ADAM2: variants seen among roughly 807,000 people sequenced by gnomAD.
The protein encoded by ADAM2 is disintegrin and metalloproteinase domain-containing protein 2.
In ADAM2, 101 loss-of-function variants were observed where a neutral mutation model predicts 99.3. The ratio of observed to expected loss-of-function variants is 1.02; its 90% confidence interval spans 0.87 to 1.20. The LOEUF (loss-of-function observed/expected upper bound fraction) is 1.20. Among genes scored for constraint, ADAM2 ranks in the 50% most tolerant of loss-of-function variants. The pLI, the probability that ADAM2 is intolerant of heterozygous loss-of-function variation, is 0.00. For synonymous variants in ADAM2, 323 were observed against 287.6 expected (o/e 1.12, Z -1.25); for missense variants, 948 against 878.7 (o/e 1.08, Z -1.00).
intron 16 of ADAM2, among the ~76,000 whole-genome samples, chr8:39,752,216 A>T (rs1176787352): frequency 6.6e-6 from 1 of 152,180 alleles, no homozygotes; most frequent in Non-Finnish European, 1.5e-5. Flanking sequence ...TGCACCCCCT[A>T]CAACAGTGGC....
chr8:39,812,490 A>G (rs1804747122), intron 6 of ADAM2, among the ~76,000 whole-genome samples: 1 of 152,184 alleles, frequency 6.6e-6, no homozygotes, highest in Non-Finnish European at 1.5e-5. Flanking sequence ...CCAAAAGAAC[A>G]AAGCTGGAGG....
intron 11 of ADAM2, among the ~76,000 whole-genome samples, chr8:39,771,951 G>C (rs1802797642): frequency 1.3e-5 from 2 of 151,850 alleles, no homozygotes; most frequent in Admixed American, 6.6e-5. Flanking sequence ...ATACGGGAGG[G>C]ATAGCATTAG....
chr8:39,808,098 G>A (rs966268221), intron 7 of ADAM2, among the ~76,000 whole-genome samples: 1 of 150,678 alleles, frequency 6.6e-6, no homozygotes, highest in Non-Finnish European at 1.5e-5. Context: ...AATATTGCAA[G>A]AAAATAAATA....
intron 7 of ADAM2, among the ~76,000 whole-genome samples, chr8:39,799,926 C>T (rs367770197): frequency 2.6e-4 from 39 of 152,250 alleles, no homozygotes; most frequent in Non-Finnish European, 4.6e-4. Flanking sequence ...TGTCTTTGCA[C>T]GTAAGATGGG....
At chr8:39,835,886 T>G (rs1039836954) in intron 2 of ADAM2, among the ~76,000 whole-genome samples, 3 of 152,130 alleles carry the variant, frequency 2.0e-5, no homozygotes. Context: ...ATGCTAATTG[T>G]GTATTTAACT....
At chr8:39,799,491 T>C (rs184877752) in intron 7 of ADAM2, among the ~76,000 whole-genome samples, 1 of 152,220 alleles carries the variant, frequency 6.6e-6, no homozygotes, top group Non-Finnish European at 1.5e-5. Context: ...CATGTGGCAC[T>C]GCAAAGAATG....
intron 15 of ADAM2, among the ~76,000 whole-genome samples, chr8:39,756,950 A>C (rs1476954110): frequency 6.6e-6 from 1 of 152,226 alleles, no homozygotes; most frequent in African/African-American, 2.4e-5. Flanking sequence ...GTTACTGGAC[A>C]TTCCCAGGAT....
At chr8:39,785,489 A>G (rs1020790504) in intron 10 of ADAM2, among the ~76,000 whole-genome samples, 4 of 152,230 alleles carry the variant, frequency 2.6e-5, no homozygotes, top group Non-Finnish European at 5.9e-5. Context: ...CAGAACTACC[A>G]TTCAATCCAG....
intron 3 of ADAM2, among the ~76,000 whole-genome samples, chr8:39,828,061 CAT>C (rs890385571): frequency 1.3e-5 from 2 of 151,658 alleles, no homozygotes; most frequent in African/African-American, 2.4e-5. Context: ...AATAAAAACA[CAT>C]ATAATTTAAA....
intron 6 of ADAM2, among the ~76,000 whole-genome samples, chr8:39,812,285 C>A (rs1804737250): frequency 6.6e-6 from 1 of 152,186 alleles, no homozygotes; most frequent in Non-Finnish European, 1.5e-5. Flanking sequence ...AGGACACAAA[C>A]AAATGGAAGA....
rs1315644511 is a variant in ADAM2, at chr8:39,780,426, T to C, written c.892-3265A>G. On this transcript the variant is annotated intron_variant, in intron 10 of 20. Coordinates refer to ENST00000265708, the MANE Select transcript of ADAM2 (RefSeq NM_001464.5). ...TGTAGGTTTTAGATACAAAACTGAT[T>C]AGTGTTTTAGAGAATAATGAATAAT... Among the ~76,000 whole-genome samples the C allele has an allele frequency of 2.0e-5, 3 of 152,156 alleles. No homozygotes were observed. In the East Asian group the frequency reaches 5.8e-4, roughly 29 times the overall value.
At chr8:39,828,687 C>T (rs1805505282) in intron 3 of ADAM2, among the ~76,000 whole-genome samples, 1 of 151,676 alleles carries the variant, frequency 6.6e-6, no homozygotes, top group African/African-American at 2.4e-5. Flanking sequence ...ATAAATTAGA[C>T]AGGGTCTAAG....
chr8:39,756,585 C>A lies in ADAM2; in HGVS notation c.1614-674G>T, dbSNP rs1280103048. Among the ~76,000 whole-genome samples the A allele has an allele frequency of 2.0e-5, 3 of 152,166 alleles. No individual in the cohort carries two copies. The East Asian group carries it at 5.8e-4, about 29-fold the overall frequency. ...GATCAACTGCATATGTTGAGATAGA[C>A]AACATATGTTATCTAAATAGCCTCC... is the stretch of plus-strand genomic sequence containing the variant. On this transcript the variant is annotated intron_variant, in intron 15 of 20. Transcript: ENST00000265708.
Position 39,744,834 on chromosome 8 carries a change from A to T in ADAM2, c.*26T>A, listed in dbSNP as rs769080149. The T allele has an allele frequency of 6.3e-7, 1 of 1,579,990 alleles. No homozygotes were observed. Among genetic ancestry groups the T allele is most frequent in the Non-Finnish European group, 8.6e-7 (1 of 1,163,768 alleles). On this transcript the variant is annotated 3_prime_UTR_variant, in exon 20 of 21. Coordinates refer to ENST00000265708, the MANE Select transcript of ADAM2 (RefSeq NM_001464.5). ...AAAAAAATGAAAGAAACTCACAGTG[A>T]TATCATGGCATCTCTGTTGTCCAGA...
intron 10 of ADAM2, among the ~76,000 whole-genome samples, chr8:39,785,815 A>T (rs2129585199): frequency 6.7e-6 from 1 of 149,776 alleles, no homozygotes; most frequent in South Asian, 2.1e-4. Flanking sequence ...AAAAAAAAAG[A>T]AAGACAGAAA....
At chr8:39,820,978 G>A (rs1805154936) in intron 6 of ADAM2, 24 bp downstream of exon 6, 1 of 1,478,822 alleles carries the variant, frequency 6.8e-7, no homozygotes, top group Non-Finnish European at 9.2e-7. Context: ...AATAACCATA[G>A]AGTTTGTTCA....
rs1015455218 is a variant in ADAM2 at position 39,744,090 on chromosome 8, C to T, written c.*31-26G>A. 7 of 151,742 alleles carry T rather than the reference C, an allele frequency of 4.6e-5. No individual in the cohort carries two copies. The East Asian group carries it at 5.8e-4, about 13-fold the overall frequency. 9.4% of individuals were successfully genotyped at this position (151,742 alleles called of 1,614,324 possible). ...CTGAATAAATGAAAAAAAAAGTCACCGTTATCAACAAGTTGAAATGATAGC... is the reference window on the plus strand; with the variant it reads ...CTGAATAAATGAAAAAAAAAGTCACTGTTATCAACAAGTTGAAATGATAGC... On this transcript the variant is annotated intron_variant, in intron 20 of 20. Coordinates refer to ENST00000265708, the MANE Select transcript of ADAM2 (RefSeq NM_001464.5).
At position 39,788,708 on chromosome 8, in the gene ADAM2, GACA is replaced by G. The variant is rs780995796; in HGVS notation, c.600_602del (p.Val201del). 3 of 1,577,438 alleles carry G rather than the reference GACA, an allele frequency of 1.9e-6. No individual in the cohort carries two copies. The highest frequency in any genetic ancestry group is 2.6e-6 in the Non-Finnish European group (3 of 1,158,602). ...CAATCAACTGGAAAACTTTTTGAGCGACAACAGTTGTATCAGACCCCATATGAT... is the reference window on the plus strand; with the variant it reads ...CAATCAACTGGAAAACTTTTTGAGCGACAGTTGTATCAGACCCCATATGAT... On this transcript the variant is annotated inframe_deletion, in exon 8 of 21. Coordinates refer to ENST00000265708, the MANE Select transcript of ADAM2 (RefSeq NM_001464.5).
At chr8:39,745,328 T>A (rs1163010089) in intron 19 of ADAM2, among the ~76,000 whole-genome samples, 1 of 152,144 alleles carries the variant, frequency 6.6e-6, no homozygotes, top group South Asian at 2.1e-4. Flanking sequence ...AATGACTAAG[T>A]TATTACTCGT....
Sources: gnomAD v4.1 joint callset for allele counts (sites outside exome capture counted in the v4.1 genomes callset) on GRCh38, gnomAD v4.1.1 for gene constraint, MANE v1.5 for transcripts, NCBI Gene and HGNC (gene_info 2026-07-23, HGNC 2026-07-21) for gene names.